Variants in UMODL1 observed in about 807,000 individuals in gnomAD.
UMODL1 encodes uromodulin-like 1.
A neutral mutation model predicts 136.3 loss-of-function variants in UMODL1; 128 were observed. That is an observed-to-expected ratio of 0.94 (90% CI 0.81 to 1.09). UMODL1 has a LOEUF of 1.09. Ranked by LOEUF, UMODL1 falls within the 50% of genes least tolerant of loss-of-function variation. The pLI is 0.00. For missense variants in UMODL1, 1,766 were observed against 1,725.6 expected (o/e 1.02, Z -0.41); for synonymous variants, 721 against 720.0 (o/e 1.00, Z -0.02).
intron 14 of UMODL1, among the ~76,000 whole-genome samples, chr21:42,117,971 A>G (rs929287622): frequency 6.6e-6 from 1 of 152,154 alleles, no homozygotes; most frequent in Non-Finnish European, 1.5e-5. Flanking sequence ...CAGGACAGCA[A>G]ATAATTATAC....
rs181478566 is a variant in UMODL1, at chr21:42,123,646, T to C, written c.3147+496T>C. On this transcript the variant is annotated intron_variant, in intron 17 of 22. Coordinates refer to ENST00000408910, the MANE Select transcript of UMODL1 (RefSeq NM_001004416.3). The surrounding 1 kb of genome is among the most constrained non-coding windows in gnomAD (Gnocchi z 4.4). ...GCTTATATGTACGTGCGTGTGTGTG[T>C]GCATGTGTATCGCGTGCTTGTGTGC... 7.1e-3 allele frequency among the ~76,000 whole-genome samples: 1,077 copies of C among 151,854 alleles called. 4 individuals are homozygous for C. The highest frequency in any genetic ancestry group is 0.02 in the Middle Eastern group (6 of 294).
At chr21:42,138,764 A>G (rs1229457696) in intron 22 of UMODL1, among the ~76,000 whole-genome samples, 2 of 152,110 alleles carry the variant, frequency 1.3e-5, no homozygotes, top group African/African-American at 2.4e-5. Flanking sequence ...TAGTAGATAC[A>G]GGGTTTCTCC....
In UMODL1 at chr21:42,106,485, C is replaced by T. The variant is rs138274648; in HGVS notation, c.1519+2398C>T. 2.8e-3 allele frequency among the ~76,000 whole-genome samples: 434 copies of T among 152,324 alleles called. 3 individuals are homozygous for T. Among genetic ancestry groups the T allele is most frequent in the African/African-American group, 9.6e-3 (398 of 41,566 alleles). On this transcript the variant is annotated intron_variant, in intron 9 of 22. Transcript: ENST00000408910. ...CCGGTGCGTCCACATGTCCCAACCC[C>T]GATAGATGAGGCGCTGTTCGCCCGT...
intron 2 of UMODL1, among the ~76,000 whole-genome samples, chr21:42,079,629 G>A (rs933466829): frequency 6.6e-6 from 1 of 152,220 alleles, no homozygotes; most frequent in Non-Finnish European, 1.5e-5. Flanking sequence ...GAGGGAAACA[G>A]GCACTGCCTG....
intron 22 of UMODL1, among the ~76,000 whole-genome samples, chr21:42,138,547 C>G (rs2067238955): frequency 6.6e-6 from 1 of 152,026 alleles, no homozygotes. Context: ...GTGGGAAACA[C>G]CAAGACTGGG....
Position 42,080,919 on chromosome 21 carries a change from T to C in UMODL1, c.320-3165T>C, listed in dbSNP as rs568894067. On this transcript the variant is annotated intron_variant, in intron 2 of 22. Coordinates refer to ENST00000408910, the MANE Select transcript of UMODL1 (RefSeq NM_001004416.3). ...GCACATCAGCATTCATTGAGCAAGC[T>C]CTTGCCACTTAACTGTCAGTTGTTT... Among the ~76,000 whole-genome samples the C allele has an allele frequency of 5.8e-4, 88 of 152,348 alleles. 1 individual carries two copies. The highest frequency in any genetic ancestry group is 2.1e-3 in the African/African-American group (87 of 41,582).
rs1224139316 is a variant in UMODL1, at chr21:42,090,198, T to C, written c.791-100T>C. On this transcript the variant is annotated intron_variant, in intron 5 of 22. Transcript: ENST00000408910. ...CACCCCTCAACCGACGTGGCACAAATCCGTGGCACGAGTCCACAGAGGCCG... is the reference window on the plus strand; with the variant it reads ...CACCCCTCAACCGACGTGGCACAAACCCGTGGCACGAGTCCACAGAGGCCG... 3 of 1,534,780 alleles carry C rather than the reference T, an allele frequency of 2.0e-6. No homozygotes were observed. In the African/African-American group the frequency reaches 4.1e-5, roughly 21 times the overall value.
intron 9 of UMODL1, among the ~76,000 whole-genome samples, chr21:42,105,139 G>A (rs371046573): frequency 9.9e-5 from 15 of 152,212 alleles, no homozygotes; most frequent in African/African-American, 2.4e-4. Context: ...TGGAAACCTC[G>A]GCCTGGGGTT....
chr21:42,114,885 G>A (rs1237373541), intron 13 of UMODL1, among the ~76,000 whole-genome samples: 2 of 152,160 alleles, frequency 1.3e-5, no homozygotes, highest in Admixed American at 6.5e-5. Context: ...AAACCTGTGG[G>A]TGCACTTATA....
intron 1 of UMODL1, among the ~76,000 whole-genome samples, chr21:42,065,779 G>C (rs569174148): frequency 6.6e-6 from 1 of 152,032 alleles, no homozygotes; most frequent in African/African-American, 2.4e-5. Context: ...TGATCTGGCC[G>C]CCTCAGCCTC....
chr21:42,142,820 C>T lies in UMODL1; in HGVS notation c.*746C>T, dbSNP rs530859214. On this transcript the variant is annotated 3_prime_UTR_variant, in exon 23 of 23. Coordinates refer to ENST00000408910, the MANE Select transcript of UMODL1 (RefSeq NM_001004416.3). Reference sequence around the variant, plus strand: ...AGTGGGAGGTGTGATTTACCCATTACACAATGAGAAACCAGAGGAGCCGAT... The same window carrying T: ...AGTGGGAGGTGTGATTTACCCATTATACAATGAGAAACCAGAGGAGCCGAT... 6.6e-6 allele frequency: 1 copy of T among 152,254 alleles called. No individual in the cohort carries two copies. Among genetic ancestry groups the T allele is most frequent in the African/African-American group, 2.4e-5 (1 of 41,554 alleles). The allele number at this position is 152,254 out of a possible 1,614,324, so 9.4% of individuals were successfully genotyped here. A position where few individuals can be genotyped will look rare whatever the true frequency, so the allele number is the denominator to read the frequency against.
At chr21:42,065,593 A>G (rs2066176806) in intron 1 of UMODL1, among the ~76,000 whole-genome samples, 1 of 150,010 alleles carries the variant, frequency 6.7e-6, no homozygotes, top group South Asian at 2.1e-4. Context: ...ACTGGAGTAC[A>G]GTGGCATGAT....
rs1326390346 is a variant in UMODL1, at chr21:42,109,670, C to A, written c.1628C>A (p.Thr543Asn). 1.9e-6 allele frequency: 3 copies of A among 1,606,110 alleles called. No individual in the cohort carries two copies. In the African/African-American group the frequency reaches 4.0e-5, roughly 21 times the overall value. Residue 543 changes from threonine (T) to asparagine (N), a missense_variant, in exon 10 of 23, where the codon ACC (threonine) becomes AAC (asparagine). Transcript: ENST00000408910. ...TCQCRTTRDA[T>N]PSRAGRACEG... is the part of the protein sequence containing the mutation. ...CAGTGCCGTACCACCAGGGACGCCACCCCCTCCCGCGCAGGCCGGGCCTGT... is the reference window on the plus strand; with the variant it reads ...CAGTGCCGTACCACCAGGGACGCCAACCCCTCCCGCGCAGGCCGGGCCTGT...
chr21:42,122,377 A>G lies in UMODL1; in HGVS notation c.2828-454A>G, dbSNP rs1006032508. On this transcript the variant is annotated intron_variant, in intron 16 of 22. Coordinates refer to ENST00000408910, the MANE Select transcript of UMODL1 (RefSeq NM_001004416.3). This position sits in a 1 kb window ranked among gnomAD's most constrained non-coding sequence, Gnocchi z 4.3. ...CACAAGGACCTCAAGAGGAGGCATC[A>G]TTACCCCATCTTAGAGAATAGACTC... Among the ~76,000 whole-genome samples the G allele has an allele frequency of 6.6e-6, 1 of 152,176 alleles. No individual in the cohort carries two copies. The highest frequency in any genetic ancestry group is 1.5e-5 in the Non-Finnish European group (1 of 68,026).
chr21:42,111,329 C>T, intron 11 of UMODL1, 177 bp from the exon 12 acceptor site: 3 of 1,477,752 alleles, frequency 2.0e-6, no homozygotes, highest in South Asian at 1.2e-5. Flanking sequence ...CCAGGGGAGC[C>T]CCAGCCAGGG....
At chr21:42,086,333 A>G (rs2066426534) in intron 4 of UMODL1, among the ~76,000 whole-genome samples, 1 of 152,142 alleles carries the variant, frequency 6.6e-6, no homozygotes, top group African/African-American at 2.4e-5. Context: ...TGTGTGTCCC[A>G]TATGTCCCTG....
chr21:42,128,721 C>T (rs577121054), intron 20 of UMODL1, among the ~76,000 whole-genome samples: 7 of 152,214 alleles, frequency 4.6e-5, no homozygotes, highest in Admixed American at 6.5e-5. Flanking sequence ...GACAGGAGCA[C>T]GGACAGCCAC....
Position 42,142,989 on chromosome 21 carries a change from A to G in UMODL1, c.*915A>G, listed in dbSNP as rs1298394042. The G allele has an allele frequency of 6.6e-6, 1 of 152,244 alleles. No homozygotes were observed. Among genetic ancestry groups the G allele is most frequent in the African/African-American group, 2.4e-5 (1 of 41,464 alleles). The allele number at this position is 152,244 out of a possible 1,614,324, so 9.4% of individuals were successfully genotyped here. ...TTGAAATAAACTGGAATTGTATTAG[A>G]TAGCTCACACCTGAAAGTAGAGTGT... is the stretch of plus-strand genomic sequence containing the variant. On this transcript the variant is annotated 3_prime_UTR_variant, in exon 23 of 23. Transcript: ENST00000408910.
intron 6 of UMODL1, among the ~76,000 whole-genome samples, chr21:42,097,812 G>T (rs1050696896): frequency 6.6e-6 from 1 of 152,142 alleles, no homozygotes; most frequent in Non-Finnish European, 1.5e-5. Context: ...TGTACAGCCA[G>T]AATGTTTTTA....
Sources: gnomAD v4.1 joint callset for allele counts (sites outside exome capture counted in the v4.1 genomes callset) on GRCh38, gnomAD v4.1.1 for gene constraint, Gnocchi (gnomAD v3.1) non-coding constraint, MANE v1.5 for transcripts, NCBI Gene and HGNC (gene_info 2026-07-23, HGNC 2026-07-21) for gene names.